EBF3: variants seen among roughly 807,000 people sequenced by gnomAD.
EBF3 encodes the protein EBF transcription factor 3, also known as transcription factor COE3.
Under a neutral mutation model 77.1 loss-of-function variants are expected in EBF3, and 18 were observed. That is an observed-to-expected ratio of 0.23 (90% CI 0.16 to 0.35). The LOEUF is 0.35. EBF3 is among the 10% of genes least tolerant of loss of function. EBF3 has a pLI of 1.00. For missense variants in EBF3, 558 were observed against 860.0 expected, an observed-to-expected ratio of 0.65 and a Z score of 4.39; for synonymous variants, 350 against 343.5, an observed-to-expected ratio of 1.02 and a Z score of -0.21.
At chr10:129,958,587 G>A (rs1859217833) in intron 5 of EBF3, among the ~76,000 whole-genome samples, 1 of 152,168 alleles carries the variant, frequency 6.6e-6, no homozygotes, top group Non-Finnish European at 1.5e-5. Context: ...CTCAGGATGC[G>A]AGCGCCTGAG....
At chr10:129,937,563 G>A (rs1479178263) in intron 6 of EBF3, among the ~76,000 whole-genome samples, 7 of 152,298 alleles carry the variant, frequency 4.6e-5, no homozygotes, top group East Asian at 1.9e-4. Flanking sequence ...AGGCAGCTAC[G>A]CCTGATCACA....
At chr10:129,917,366 C>T (rs1470153656) in intron 6 of EBF3, among the ~76,000 whole-genome samples, 1 of 151,872 alleles carries the variant, frequency 6.6e-6, no homozygotes, top group Non-Finnish European at 1.5e-5. Flanking sequence ...GAGACTCCGT[C>T]TCAAGGAAAA....
chr10:129,867,259 A>T lies in EBF3; in HGVS notation c.921T>A (p.Thr307=). 6.2e-7 allele frequency: 1 copy of T among 1,613,934 alleles called. No homozygotes were observed. The highest frequency in any genetic ancestry group is 2.2e-5 in the East Asian group (1 of 44,858). ...GTMLVWSELI[T]PHAIRVQTPP... ...GGGTCTGGACTCGGATGGCATGGGG[A>T]GTTATCAGCTACAAAAACCACACGG... Residue 307 remains threonine (T), a synonymous_variant, in exon 10 of 17, where the codon ACT becomes ACA. Transcript: ENST00000440978.
In EBF3 at chr10:129,942,997, T is replaced by C. The variant is rs529353111; in HGVS notation, c.554+14261A>G. 2.0e-5 allele frequency among the ~76,000 whole-genome samples: 3 copies of C among 152,232 alleles called. No homozygotes were observed. The East Asian group carries it at 5.8e-4, about 29-fold the overall frequency. ...TTACAGCATGCACTTATGTACTGCT[T>C]TCTAATGGGTGTTTTTCTCTGGATT... On this transcript the variant is annotated intron_variant, in intron 6 of 16. Transcript: ENST00000440978.
intron 6 of EBF3, among the ~76,000 whole-genome samples, chr10:129,915,657 A>G (rs1386316565): frequency 6.6e-6 from 1 of 152,222 alleles, no homozygotes; most frequent in African/African-American, 2.4e-5. Flanking sequence ...GTGCCCACAG[A>G]TGGCCAAGCA....
chr10:129,852,857 G>A (rs550138330), intron 10 of EBF3, among the ~76,000 whole-genome samples: 1 of 152,156 alleles, frequency 6.6e-6, no homozygotes, highest in African/African-American at 2.4e-5. Context: ...GGGCTTGGTC[G>A]TGGGTCCCCA....
In EBF3 at chr10:129,872,432, T is replaced by C. The variant is rs545429043; in HGVS notation, c.781+1020A>G. Among the ~76,000 whole-genome samples the C allele has an allele frequency of 6.6e-5, 10 of 152,330 alleles. No homozygotes were observed. In the South Asian group the frequency reaches 1.7e-3, roughly 25 times the overall value. On this transcript the variant is annotated intron_variant, in intron 8 of 16. Coordinates refer to ENST00000440978, the MANE Select transcript of EBF3 (RefSeq NM_001375380.1). ...TTGTGGACCACAGCAGATTCATAAA[T>C]TGTCTTCCAGTTTTTGTCTGAATTA...
intron 8 of EBF3, among the ~76,000 whole-genome samples, chr10:129,873,159 T>C (rs1162934376): frequency 6.6e-6 from 1 of 151,940 alleles, no homozygotes; most frequent in Non-Finnish European, 1.5e-5. Flanking sequence ...CAAACCAAAA[T>C]AAAACCAAAT....
At chr10:129,954,814 T>C (rs951712264) in intron 6 of EBF3, among the ~76,000 whole-genome samples, 4 of 152,160 alleles carry the variant, frequency 2.6e-5, no homozygotes, top group Non-Finnish European at 5.9e-5. Flanking sequence ...GATGGGGACC[T>C]GGAAACTGAC....
chr10:129,881,914 G>C (rs926837965), intron 6 of EBF3, among the ~76,000 whole-genome samples: 1 of 152,196 alleles, frequency 6.6e-6, no homozygotes, highest in African/African-American at 2.4e-5. Flanking sequence ...AAAGAGTTTG[G>C]TCTTGGTTGT....
At chr10:129,860,279 G>A (rs754727971) in intron 10 of EBF3, among the ~76,000 whole-genome samples, 6 of 151,808 alleles carry the variant, frequency 4.0e-5, no homozygotes, top group South Asian at 2.1e-4. Context: ...AAGGACCATC[G>A]CAAGGTGGGT....
intron 10 of EBF3, among the ~76,000 whole-genome samples, chr10:129,865,373 G>C (rs1851930667): frequency 6.6e-6 from 1 of 152,134 alleles, no homozygotes; most frequent in South Asian, 2.1e-4. Context: ...TAAAACACTG[G>C]GATTCCAAAA....
chr10:129,844,830 GTTTCGTTAGCCTGAGCAGCTCT>G (rs1850342065), intron 11 of EBF3, among the ~76,000 whole-genome samples: 1 of 152,106 alleles, frequency 6.6e-6, no homozygotes, highest in African/African-American at 2.4e-5. Flanking sequence ...TCTTAATCAG[GTTTCGTTAGCCTGAGCAGCTCT>G]CTGTGAGCAA....
chr10:129,927,229 G>A (rs906499764), intron 6 of EBF3, among the ~76,000 whole-genome samples: 1 of 152,226 alleles, frequency 6.6e-6, no homozygotes, highest in African/African-American at 2.4e-5. Context: ...ACATGGCCAG[G>A]AGGAACCAGC....
chr10:129,898,503 GC>G (rs1009321670), intron 6 of EBF3, among the ~76,000 whole-genome samples: 1 of 152,106 alleles, frequency 6.6e-6, no homozygotes, highest in Non-Finnish European at 1.5e-5. Context: ...TCTGGGGACC[GC>G]CCCCCACCCC....
At chr10:129,838,144 C>T (rs1410974399) in intron 16 of EBF3, among the ~76,000 whole-genome samples, 184 bp from the exon 17 acceptor site, 1 of 152,236 alleles carries the variant, frequency 6.6e-6, no homozygotes, top group African/African-American at 2.4e-5. Context: ...GGTGGGGGCA[C>T]ACGTGGGGAC....
At chr10:129,921,652 G>A (rs1480661756) in intron 6 of EBF3, among the ~76,000 whole-genome samples, 2 of 152,220 alleles carry the variant, frequency 1.3e-5, no homozygotes, top group African/African-American at 4.8e-5. Context: ...CTCAACAGAG[G>A]AGGATGTCTG....
At chr10:129,934,279 G>A (rs939592281) in intron 6 of EBF3, among the ~76,000 whole-genome samples, 3 of 151,828 alleles carry the variant, frequency 2.0e-5, no homozygotes, top group African/African-American at 4.8e-5. Context: ...GCGACATCAC[G>A]CTCCCCAGAC....
rs1368449083 is a variant in EBF3 at position 129,873,590 on chromosome 10, C to T, written c.643G>A (p.Val215Ile). Residue 215 changes from valine (V) to isoleucine (I), a missense_variant, in exon 8 of 17, where the codon GTA becomes ATA. Around this residue, in one of 5 missense-constraint regions of EBF3, gnomAD observed 112 missense variants for 207.7 expected, o/e 0.54. Coordinates refer to ENST00000440978, the MANE Select transcript of EBF3 (RefSeq NM_001375380.1). ...CCGTCCACGTTGACTGTTGTCGATACAACAACCTGCAAAGATGAAGTGGAT... is the reference window on the plus strand; with the variant it reads ...CCGTCCACGTTGACTGTTGTCGATATAACAACCTGCAAAGATGAAGTGGAT... ...PRDMRRFQVVVSTTVNVDGHV... is the reference protein window; with the variant it reads ...PRDMRRFQVVISTTVNVDGHV... The T allele has an allele frequency of 4.6e-6, 7 of 1,531,792 alleles. No individual in the cohort carries two copies. The Admixed American group carries it at 8.6e-5, about 19-fold the overall frequency. 94.9% of individuals were successfully genotyped at this position (1,531,792 alleles called of 1,614,324 possible).
Sources: gnomAD v4.1 joint callset for allele counts (sites outside exome capture counted in the v4.1 genomes callset) on GRCh38, gnomAD v4.1.1 for gene constraint, gnomAD v4.1.1 regional missense constraint, MANE v1.5 for transcripts, NCBI Gene and HGNC (gene_info 2026-07-23, HGNC 2026-07-21) for gene names.